The following CFAP299 variants were observed in gnomAD, a reference collection of about 807,000 sequenced individuals.
CFAP299 encodes cilia and flagella associated protein 299, also known as cilia- and flagella-associated protein 299.
In CFAP299, 21 loss-of-function variants were observed where a neutral mutation model predicts 27.0. The observed-to-expected ratio is 0.78, with a 90% CI of 0.55 to 1.12. The LOEUF (loss-of-function observed/expected upper bound fraction) is 1.12, where lower values mean the gene tolerates loss of function less well. Ranked by LOEUF, CFAP299 falls within the 50% of genes most tolerant of loss-of-function variation. The pLI is 0.00. For missense variants in CFAP299, 310 were observed against 276.6 expected, an observed-to-expected ratio of 1.12 and a Z score of -0.86; for synonymous variants, 104 against 98.1, an observed-to-expected ratio of 1.06 and a Z score of -0.36.
intron 3 of CFAP299, among the ~76,000 whole-genome samples, chr4:80,776,383 A>C (rs949451904): frequency 6.6e-6 from 1 of 152,168 alleles, no homozygotes; most frequent in Non-Finnish European, 1.5e-5. Flanking sequence ...ACTCCATAGT[A>C]GTACATAAAT....
In CFAP299 at chr4:80,810,351, G is replaced by GACACACACAC. The variant is rs70956066; in HGVS notation, c.334-59628_334-59619dup. On this transcript the variant is annotated intron_variant, in intron 3 of 5. Transcript: ENST00000358105. Reference sequence around the variant, plus strand: ...TTGAATAATGTGCCCCCCAACCCCTGACACACACACACACACACACACATA... The same window carrying GACACACACAC: ...TTGAATAATGTGCCCCCCAACCCCTGACACACACACACACACACACACACACACACACATA... 5.7e-3 allele frequency among the ~76,000 whole-genome samples: 836 copies of GACACACACAC among 147,774 alleles called. 6 individuals carry two copies. Among genetic ancestry groups the GACACACACAC allele is most frequent in the African/African-American group, 0.019 (776 of 40,394 alleles).
At chr4:80,693,852 A>C (rs932428369) in intron 3 of CFAP299, among the ~76,000 whole-genome samples, 9 of 152,102 alleles carry the variant, frequency 5.9e-5, no homozygotes, top group Admixed American at 3.3e-4. Context: ...TAAAAAAAAA[A>C]ACACAGAGCA....
intron 3 of CFAP299, among the ~76,000 whole-genome samples, chr4:80,811,898 C>T (rs114305982): frequency 1.0e-3 from 151 of 151,486 alleles, no homozygotes; most frequent in African/African-American, 3.4e-3. Flanking sequence ...TGGAATAAAA[C>T]GAGAATATGA....
At chr4:80,545,772 G>A (rs1011252763) in intron 2 of CFAP299, among the ~76,000 whole-genome samples, 4 of 152,138 alleles carry the variant, frequency 2.6e-5, no homozygotes, top group African/African-American at 7.2e-5. Context: ...TGATACCAAA[G>A]CCTGACAGAG....
upstream of CFAP299, among the ~76,000 whole-genome samples, chr4:80,333,372 A>AATAG (rs1403019326): frequency 1.3e-4 from 20 of 152,352 alleles, no homozygotes; most frequent in East Asian, 3.7e-3. Context: ...AGGCAACACC[A>AATAG]GACACAAATC....
At chr4:80,386,422 C>T in intron 2 of CFAP299, 3 of 1,544,824 alleles carry the variant, frequency 1.9e-6, no homozygotes, top group Non-Finnish European at 2.6e-6. Flanking sequence ...TTCATCTCCT[C>T]CAGCCCCAGC....
At chr4:80,330,292 T>C in the CFAP299 span, among the ~76,000 whole-genome samples, 1 of 152,110 alleles carries the variant, frequency 6.6e-6, no homozygotes, top group African/African-American at 2.4e-5. Flanking sequence ...GTCAGAATAA[T>C]CTTTAAAACT....
intron 3 of CFAP299, among the ~76,000 whole-genome samples, chr4:80,846,472 A>G (rs929334215): frequency 2.0e-5 from 3 of 152,176 alleles, no homozygotes; most frequent in Non-Finnish European, 4.4e-5. Context: ...AAGGCATAGT[A>G]TGATTTACTC....
In CFAP299 at chr4:80,362,811, G is replaced by C; in HGVS notation, c.169G>C (p.Val57Leu). 7 of 1,613,460 alleles carry C rather than the reference G, an allele frequency of 4.3e-6. No homozygotes were observed. The highest frequency in any genetic ancestry group is 5.9e-6 in the Non-Finnish European group (7 of 1,179,884). ...ELGYRGTGER[V>L]KREDFEARKA... ...AGGCTACCGAGGGACTGGAGAGAGAGTGAAAAGGGAAGATTTTGAAGCAAG... is the reference window on the plus strand; with the variant it reads ...AGGCTACCGAGGGACTGGAGAGAGACTGAAAAGGGAAGATTTTGAAGCAAG... The change falls in exon 2 of 6, where the codon GTG becomes CTG. Residue 57 changes from valine to leucine, a missense_variant. Val to Leu is a conservative substitution (Grantham distance 32). Coordinates refer to ENST00000358105, the MANE Select transcript of CFAP299 (RefSeq NM_152770.3).
intron 3 of CFAP299, among the ~76,000 whole-genome samples, chr4:80,826,425 C>A (rs1159755853): frequency 2.0e-5 from 3 of 150,324 alleles, no homozygotes; most frequent in Non-Finnish European, 4.5e-5. Context: ...TTAAAACAAT[C>A]AAAAAAGAGA....
At chr4:80,700,591 A>T (rs1721412839) in intron 3 of CFAP299, among the ~76,000 whole-genome samples, 1 of 151,996 alleles carries the variant, frequency 6.6e-6, no homozygotes, top group Admixed American at 6.6e-5. Context: ...CACTGGCTAG[A>T]AGAAAGTGAG....
At chr4:80,675,044 T>G (rs1719346431) in intron 3 of CFAP299, among the ~76,000 whole-genome samples, 1 of 152,234 alleles carries the variant, frequency 6.6e-6, no homozygotes, top group Admixed American at 6.5e-5. Flanking sequence ...AAAGTCATTC[T>G]CCATCCAGCT....
At chr4:80,692,330 C>G (rs896268497) in intron 3 of CFAP299, among the ~76,000 whole-genome samples, 1 of 152,130 alleles carries the variant, frequency 6.6e-6, no homozygotes, top group African/African-American at 2.4e-5. Flanking sequence ...CAGCATGGTA[C>G]TGGTACCAAA....
intron 2 of CFAP299, among the ~76,000 whole-genome samples, chr4:80,453,237 G>T (rs1728982639): frequency 6.6e-6 from 1 of 151,722 alleles, no homozygotes; most frequent in Non-Finnish European, 1.5e-5. Flanking sequence ...AAAACATATT[G>T]GAAAAGATCA....
At chr4:80,567,707 C>T (rs1420701516) in intron 2 of CFAP299, among the ~76,000 whole-genome samples, 2 of 143,546 alleles carry the variant, frequency 1.4e-5, no homozygotes, top group African/African-American at 5.2e-5. Context: ...GCAATTTTCA[C>T]TTAAAAATGC....
At chr4:80,653,705 C>T (rs1221404297) in intron 3 of CFAP299, among the ~76,000 whole-genome samples, 1 of 152,108 alleles carries the variant, frequency 6.6e-6, no homozygotes, top group African/African-American at 2.4e-5. Flanking sequence ...AGAAAAACTT[C>T]ATTTTACATT....
At chr4:80,341,022 C>T (rs1213729842) in intron 1 of CFAP299, among the ~76,000 whole-genome samples, 6 of 152,268 alleles carry the variant, frequency 3.9e-5, no homozygotes, top group Non-Finnish European at 5.9e-5. Flanking sequence ...GTGATCCACC[C>T]GCCTTGGCCT....
intron 3 of CFAP299, among the ~76,000 whole-genome samples, chr4:80,768,765 T>C (rs1363774358): frequency 6.6e-6 from 1 of 152,210 alleles, no homozygotes; most frequent in Non-Finnish European, 1.5e-5. Flanking sequence ...TAATAGGCGA[T>C]TGGCAAATTT....
At chr4:80,596,578 T>C (rs761371793) in intron 3 of CFAP299, among the ~76,000 whole-genome samples, 1 of 152,138 alleles carries the variant, frequency 6.6e-6, no homozygotes, top group Non-Finnish European at 1.5e-5. Flanking sequence ...ATACAGTGTC[T>C]CTTTAGAAAC....
Sources: allele counts gnomAD v4.1 joint callset (sites outside exome capture counted in the v4.1 genomes callset), GRCh38; gene constraint gnomAD v4.1.1; transcripts MANE v1.5; gene names NCBI Gene and HGNC (gene_info 2026-07-23, HGNC 2026-07-21).